The following CRLF3 variants were observed in gnomAD, a reference collection of about 807,000 sequenced individuals.
CRLF3 encodes cytokine receptor-like factor 3.
A neutral mutation model predicts 55.0 loss-of-function variants in CRLF3; 33 were observed. The ratio of observed to expected loss-of-function variants is 0.60; its 90% confidence interval spans 0.46 to 0.80. The LOEUF (loss-of-function observed/expected upper bound fraction) is 0.80. Among genes scored for constraint, CRLF3 ranks in the 30% least tolerant of loss-of-function variants. The pLI is 0.00. For missense variants in CRLF3, 494 were observed against 538.4 expected (o/e 0.92, Z 0.82); for synonymous variants, 238 against 196.8 (o/e 1.21, Z -1.75).
At chr17:30,794,838 A>G (rs1971884862) in intron 4 of CRLF3, among the ~76,000 whole-genome samples, 1 of 152,194 alleles carries the variant, frequency 6.6e-6, no homozygotes. Flanking sequence ...ACATTTAGGC[A>G]AAAATATAAA....
At chr17:30,793,385 T>C (rs1971854516) in intron 5 of CRLF3, 65 bp downstream of exon 5, 1 of 1,277,200 alleles carries the variant, frequency 7.8e-7, no homozygotes, top group Non-Finnish European at 1.1e-6. Flanking sequence ...GTGCTGCCCT[T>C]AGCACAGAAT....
intron 6 of CRLF3, among the ~76,000 whole-genome samples, chr17:30,788,462 C>A (rs1247395415): frequency 1.3e-5 from 2 of 151,874 alleles, no homozygotes; most frequent in Non-Finnish European, 2.9e-5. Flanking sequence ...TGCTAGCAGA[C>A]CTGGGCATCT....
chr17:30,800,031 A>T (rs767477569), intron 2 of CRLF3, among the ~76,000 whole-genome samples: 2 of 152,184 alleles, frequency 1.3e-5, no homozygotes, highest in Non-Finnish European at 1.5e-5. Flanking sequence ...ATGTCAAGAT[A>T]ACACCCATAC....
rs1193542734 is a variant in CRLF3 at position 30,782,818 on chromosome 17, G to A, written c.*1369C>T. ...AAGACAAGTAGAAAAGGTCATGATT[G>A]TCTAACAGGGAACATGAATCCCCAA... On this transcript the variant is annotated 3_prime_UTR_variant, in exon 8 of 8. Transcript: ENST00000324238. 1 of 152,054 alleles carries A rather than the reference G, an allele frequency of 6.6e-6. No homozygotes were observed. Among genetic ancestry groups the A allele is most frequent in the East Asian group, 1.9e-4 (1 of 5,200 alleles). 9.4% of individuals were successfully genotyped at this position (152,054 alleles called of 1,614,324 possible).
At chr17:30,797,655 C>G (rs1007133552) in intron 2 of CRLF3, among the ~76,000 whole-genome samples, 2 of 152,130 alleles carry the variant, frequency 1.3e-5, no homozygotes, top group African/African-American at 2.4e-5. Flanking sequence ...GGAAATCAAC[C>G]AATTTTAGGC....
At chr17:30,816,488 C>CTTTTTT (rs1183953028) in intron 1 of CRLF3, among the ~76,000 whole-genome samples, 4 of 117,494 alleles carry the variant, frequency 3.4e-5, no homozygotes, top group Non-Finnish European at 5.4e-5. Context: ...TTCTTTCTTT[C>CTTTTTT]TTTTTTTTTT....
chr17:30,789,514 C>T (rs1971738137), intron 6 of CRLF3, among the ~76,000 whole-genome samples: 1 of 152,142 alleles, frequency 6.6e-6, no homozygotes. Flanking sequence ...TCAACACTAA[C>T]TAGAATCATG....
intron 1 of CRLF3, among the ~76,000 whole-genome samples, chr17:30,812,180 A>C (rs1258513543): frequency 6.6e-6 from 1 of 152,184 alleles, no homozygotes; most frequent in African/African-American, 2.4e-5. Flanking sequence ...TGAAAACGCT[A>C]ATCAACATAT....
At chr17:30,801,788 C>T (rs1972010787) in intron 2 of CRLF3, among the ~76,000 whole-genome samples, 1 of 151,968 alleles carries the variant, frequency 6.6e-6, no homozygotes, top group African/African-American at 2.4e-5. Flanking sequence ...AACATAGTCT[C>T]CAAATAGGCA....
At position 30,792,534 on chromosome 17, in the gene CRLF3, G is replaced by A. The variant is rs1182854779; in HGVS notation, c.865C>T (p.Arg289Ter). The change falls in exon 6 of 8, where the codon CGA becomes TGA. Residue 289 changes from arginine (R) to a stop codon, truncating the protein, a stop_gained. Transcript: ENST00000324238. LOFTEE classifies it high-confidence loss of function. ...AGFEGYSLSS[R>*]RNIALRNDSE... Reference sequence around the variant, plus strand: ...TCGTTCCGAAGTGCTATATTTCTTCGACTGCTCAGACTGTACCCCTCAAAA... The same window carrying A: ...TCGTTCCGAAGTGCTATATTTCTTCAACTGCTCAGACTGTACCCCTCAAAA... 6.8e-6 allele frequency: 11 copies of A among 1,610,502 alleles called. No homozygotes were observed. Among genetic ancestry groups the A allele is most frequent in the Non-Finnish European group, 9.3e-6 (11 of 1,177,226 alleles).
intron 6 of CRLF3, among the ~76,000 whole-genome samples, chr17:30,788,672 A>G (rs1971711724): frequency 8.0e-6 from 1 of 124,776 alleles, no homozygotes; most frequent in South Asian, 2.7e-4. Context: ...CAGTGGCGTG[A>G]TCTCGGCTCA....
At chr17:30,803,878 C>T (rs375192623) in intron 2 of CRLF3, 23 bp downstream of exon 2, 17 of 1,563,500 alleles carry the variant, frequency 1.1e-5, no homozygotes, top group African/African-American at 2.7e-5. Flanking sequence ...TGCACTAATA[C>T]AACAGGCTCC....
intron 6 of CRLF3, among the ~76,000 whole-genome samples, chr17:30,790,151 A>G (rs1971758202): frequency 6.6e-6 from 1 of 152,192 alleles, no homozygotes; most frequent in African/African-American, 2.4e-5. Context: ...ATACAGCAAC[A>G]CTGGCTTAGA....
chr17:30,795,315 T>TA (rs1971896379), intron 4 of CRLF3, among the ~76,000 whole-genome samples: 1 of 149,888 alleles, frequency 6.7e-6, no homozygotes, highest in African/African-American at 2.5e-5. Flanking sequence ...ACTCTGTCTC[T>TA]ACTAAAAATA....
intron 3 of CRLF3, among the ~76,000 whole-genome samples, chr17:30,796,688 T>C (rs1971922762): frequency 6.6e-6 from 1 of 151,998 alleles, no homozygotes; most frequent in Admixed American, 6.6e-5. Context: ...TAATCACAAC[T>C]ATTTCATTAG....
intron 4 of CRLF3, among the ~76,000 whole-genome samples, chr17:30,794,615 C>T (rs567001694): frequency 6.6e-6 from 1 of 151,886 alleles, no homozygotes; most frequent in Non-Finnish European, 1.5e-5. Flanking sequence ...CTAGGCAACA[C>T]AGCAAAACCC....
chr17:30,793,308 G>A (rs1344479909), intron 5 of CRLF3, 142 bp downstream of exon 5: 17 of 638,588 alleles, frequency 2.7e-5, no homozygotes, highest in African/African-American at 2.2e-4. Flanking sequence ...GGTAATCTGA[G>A]TAAAAGACAT....
intron 6 of CRLF3, among the ~76,000 whole-genome samples, chr17:30,790,067 T>C (rs1971755507): frequency 6.6e-6 from 1 of 152,050 alleles, no homozygotes; most frequent in South Asian, 2.1e-4. Flanking sequence ...AGGGGTGAGG[T>C]GTCAAAAATT....
In CRLF3 at chr17:30,824,672, A is replaced by G. The variant is rs771223233; in HGVS notation, c.-21T>C. 3.8e-6 allele frequency: 6 copies of G among 1,582,184 alleles called. No homozygotes were observed. Among genetic ancestry groups the G allele is most frequent in the Non-Finnish European group, 5.1e-6 (6 of 1,170,764 alleles). ...CTCATCTGGCCGCGCGGCCGGCGAA[A>G]CCTAGCGCGGGTTCCCGACTGCACC... On this transcript the variant is annotated 5_prime_UTR_variant, in exon 1 of 8. Transcript: ENST00000324238.
Sources: gnomAD v4.1 joint callset for allele counts (sites outside exome capture counted in the v4.1 genomes callset) on GRCh38, gnomAD v4.1.1 for gene constraint, MANE v1.5 for transcripts, NCBI Gene and HGNC (gene_info 2026-07-23, HGNC 2026-07-21) for gene names.